TSC1: variants seen among roughly 807,000 people sequenced by gnomAD.
TSC1 encodes the protein TSC complex subunit 1.
TSC1 carries 20 observed loss-of-function variants against 124.3 expected under a neutral mutation model. That is an observed-to-expected ratio of 0.16 (90% CI 0.11 to 0.23). The LOEUF is 0.23. TSC1 is among the 10% of genes least tolerant of loss of function. TSC1 has a pLI of 1.00. For synonymous variants in TSC1, 493 were observed against 539.1 expected (o/e 0.91, Z 1.19); for missense variants, 1,124 against 1,448.5 (o/e 0.78, Z 3.64).
At chr9:132,933,042 G>A (rs527686278) in intron 2 of TSC1, among the ~76,000 whole-genome samples, 2 of 152,314 alleles carry the variant, frequency 1.3e-5, no homozygotes, top group East Asian at 1.9e-4. Context: ...AAAATCTGGT[G>A]GCTGTCTGGC....
At chr9:132,907,203 C>T (rs975544805) in intron 13 of TSC1, 98 bp downstream of exon 13, 44 of 1,012,646 alleles carry the variant, frequency 4.3e-5, no homozygotes, top group Non-Finnish European at 3.9e-5. Context: ...TTTTGGATAT[C>T]CCAGAATTTC....
At chr9:132,914,306 C>T (rs1157538008) in intron 8 of TSC1, among the ~76,000 whole-genome samples, 3 of 152,060 alleles carry the variant, frequency 2.0e-5, no homozygotes, top group Non-Finnish European at 2.9e-5. Flanking sequence ...CAGCACAGCA[C>T]AGCTTGTAAT....
At chr9:132,907,269 A>T (rs1258503460) in intron 13 of TSC1, 32 bp downstream of exon 13, 10 of 1,589,868 alleles carry the variant, frequency 6.3e-6, no homozygotes, top group Non-Finnish European at 8.6e-6. Flanking sequence ...TAGAAGAGGC[A>T]AGCAAGGCCT....
chr9:132,925,983 G>A (rs1846839532), intron 4 of TSC1: 1 of 526,186 alleles, frequency 1.9e-6, no homozygotes, highest in Non-Finnish European at 3.4e-6. Flanking sequence ...ATACACGCAT[G>A]CAGAAAGGGG....
upstream of TSC1, chr9:132,944,634 GA>G (rs1261367224): frequency 2.3e-5 from 9 of 398,702 alleles, no homozygotes; most frequent in Non-Finnish European, 3.5e-5. Flanking sequence ...CCCCCGTCGT[GA>G]AAGGGCCAAG....
intron 8 of TSC1, among the ~76,000 whole-genome samples, chr9:132,914,081 G>A (rs1202806668): frequency 1.3e-5 from 2 of 151,464 alleles, no homozygotes; most frequent in Non-Finnish European, 2.9e-5. Context: ...TGTATTTTTA[G>A]TAGAGATGGG....
intron 8 of TSC1, among the ~76,000 whole-genome samples, chr9:132,917,127 T>C (rs1846304516): frequency 6.6e-6 from 1 of 152,230 alleles, no homozygotes. Context: ...TCCTTATTAA[T>C]GTGATTTCAT....
intron 2 of TSC1, among the ~76,000 whole-genome samples, chr9:132,930,819 G>A (rs918581775): frequency 1.3e-5 from 2 of 152,086 alleles, no homozygotes; most frequent in Admixed American, 6.6e-5. Flanking sequence ...CCATGATATA[G>A]GAAGTTGCTG....
At chr9:132,899,773 A>G (rs1845271310) in intron 20 of TSC1, 1 of 151,802 alleles carries the variant, frequency 6.6e-6, no homozygotes, top group Non-Finnish European at 1.5e-5. Flanking sequence ...CAGCACAAGG[A>G]CTCCTTGGAG....
chr9:132,927,126 T>G, intron 4 of TSC1, 75 bp downstream of exon 4: 2 of 1,405,428 alleles, frequency 1.4e-6, no homozygotes, highest in Middle Eastern at 1.8e-4. Flanking sequence ...CAGGACAAGT[T>G]GCACAGTGGC....
At chr9:132,897,059 C>G in intron 22 of TSC1, 125 bp downstream of exon 22, 1 of 1,482,066 alleles carries the variant, frequency 6.7e-7, no homozygotes, top group African/African-American at 1.4e-5. Flanking sequence ...GTCTCTGACA[C>G]GGAGTGAGCT....
intron 20 of TSC1, among the ~76,000 whole-genome samples, chr9:132,897,855 T>A (rs1845169961): frequency 6.6e-6 from 1 of 152,142 alleles, no homozygotes; most frequent in Admixed American, 6.6e-5. Context: ...AAAATAATCA[T>A]CACAGCATAT....
intron 1 of TSC1, among the ~76,000 whole-genome samples, chr9:132,938,878 C>T (rs908255157): frequency 2.6e-5 from 4 of 152,138 alleles, no homozygotes; most frequent in African/African-American, 4.8e-5. Flanking sequence ...CTACCCTCTA[C>T]GACTCCTCAG....
rs142139455 is a variant in TSC1 at position 132,913,327 on chromosome 9, G to A, written c.738-870C>T. On this transcript the variant is annotated intron_variant, in intron 8 of 22. Transcript: ENST00000298552. ...CTTGCTAAGTTTTGACAAAAGTCCC[G>A]ATCATAATAAAGAACATGTCCATCA... is the stretch of plus-strand genomic sequence containing the variant. Among the ~76,000 whole-genome samples, 85 of 152,242 alleles carry A rather than the reference G, an allele frequency of 5.6e-4. 1 individual carries two copies. The highest frequency in any genetic ancestry group is 1.9e-3 in the African/African-American group (78 of 41,546).
chr9:132,910,221 A>C (rs1845873027), intron 12 of TSC1: 1 of 521,796 alleles, frequency 1.9e-6, no homozygotes, highest in African/African-American at 1.9e-5. Context: ...GGATTGCATG[A>C]GTCTGGGAGG....
rs747251435 is a variant in TSC1, at chr9:132,923,485, G to C, written c.371C>G (p.Thr124Ser). ...PSLLKCLKMDTDVVVLTTGVL... is the reference protein window; with the variant it reads ...PSLLKCLKMDSDVVVLTTGVL... Reference sequence around the variant, plus strand: ...GCCTGTTGTGAGGACAACGACGTCAGTGTCCATCTGCAGGAGAAAAGGTCA... The same window carrying C: ...GCCTGTTGTGAGGACAACGACGTCACTGTCCATCTGCAGGAGAAAAGGTCA... Residue 124 changes from threonine (T) to serine (S), a missense_variant, in exon 6 of 23, where the codon ACT (threonine) becomes AGT (serine). By Grantham distance (58) the Thr-to-Ser change is moderately conservative. Coordinates refer to ENST00000298552, the MANE Select transcript of TSC1 (RefSeq NM_000368.5). This position sits in a 1 kb window ranked among gnomAD's most constrained non-coding sequence, Gnocchi z 4.2. 6.2e-7 allele frequency: 1 copy of C among 1,614,140 alleles called. No homozygotes were observed. The highest frequency in any genetic ancestry group is 8.5e-7 in the Non-Finnish European group (1 of 1,179,976).
intron 13 of TSC1, among the ~76,000 whole-genome samples, 198 bp downstream of exon 13, chr9:132,907,103 C>T (rs1845712645): frequency 2.0e-5 from 3 of 152,170 alleles, no homozygotes; most frequent in Admixed American, 2.0e-4. Flanking sequence ...AATACAGGTA[C>T]TTCACTGCAA....
chr9:132,907,596 TCTC>T (rs1300380439), intron 12 of TSC1, among the ~76,000 whole-genome samples: 1 of 152,168 alleles, frequency 6.6e-6, no homozygotes, highest in Non-Finnish European at 1.5e-5. Context: ...TTCAAGCGAT[TCTC>T]CTGCCTCAGC....
intron 8 of TSC1, among the ~76,000 whole-genome samples, chr9:132,914,703 C>CAAAAAAAAAAAAAAAAAAAAA: frequency 8.8e-6 from 1 of 114,274 alleles, no homozygotes; most frequent in Non-Finnish European, 1.9e-5. Context: ...AAAAAAAATA[C>CAAAAAAAAAAAAAAAAAAAAA]AAAAAAAAAA....
Sources: allele counts gnomAD v4.1 joint callset (sites outside exome capture counted in the v4.1 genomes callset), GRCh38; gene constraint gnomAD v4.1.1; non-coding constraint Gnocchi (gnomAD v3.1); transcripts MANE v1.5; gene names NCBI Gene and HGNC (gene_info 2026-07-23, HGNC 2026-07-21).